PLEKHA2: variants seen among roughly 807,000 people sequenced by gnomAD.
PLEKHA2 encodes the protein pleckstrin homology domain containing A2.
PLEKHA2 carries 28 observed loss-of-function variants against 53.2 expected under a neutral mutation model. That is an observed-to-expected ratio of 0.53 (90% CI 0.39 to 0.72). The LOEUF is 0.72. Ranked by LOEUF, PLEKHA2 falls within the 30% of genes least tolerant of loss-of-function variation. The probability of loss-of-function intolerance (pLI) is 0.00; values close to 1 mark genes in which losing one functional copy is unlikely to be tolerated. For synonymous variants in PLEKHA2, 193 were observed against 196.4 expected, an observed-to-expected ratio of 0.98 and a Z score of 0.14; for missense variants, 426 against 537.9, an observed-to-expected ratio of 0.79 and a Z score of 2.06.
chr8:38,938,371 G>T (rs1834535776), intron 3 of PLEKHA2, among the ~76,000 whole-genome samples: 1 of 152,202 alleles, frequency 6.6e-6, no homozygotes, highest in Non-Finnish European at 1.5e-5. Flanking sequence ...CTATTCCCCT[G>T]ATCCTGATGC....
intron 2 of PLEKHA2, among the ~76,000 whole-genome samples, chr8:38,935,182 T>C (rs186722883): frequency 2.8e-4 from 42 of 152,194 alleles, no homozygotes; most frequent in Non-Finnish European, 7.4e-5. Flanking sequence ...CCCGGCTCTA[T>C]ATTTTTAGCA....
At position 38,943,821 on chromosome 8, in the gene PLEKHA2, A is replaced by G. The variant is rs1657942600; in HGVS notation, c.231A>G (p.Lys77=). Residue 77 remains lysine, a synonymous_variant, in exon 4 of 12, where the codon AAA becomes AAG. Transcript: ENST00000617275. ...VSIATPKQKP[K]TPFCFVINAL... ...TAGCTACCCCAAAACAGAAACCAAA[A>G]ACTCCATTTTGCTTTGGTAAGTACT... 1.3e-6 allele frequency: 2 copies of G among 1,583,444 alleles called. No individual in the cohort carries two copies. The highest frequency in any genetic ancestry group is 1.7e-6 in the Non-Finnish European group (2 of 1,164,378).
intron 2 of PLEKHA2, among the ~76,000 whole-genome samples, chr8:38,931,044 A>C (rs530106885): frequency 1.6e-4 from 24 of 152,322 alleles, no homozygotes; most frequent in Non-Finnish European, 2.8e-4. Flanking sequence ...TTGGGAGGCC[A>C]GGGCGGGCGG....
intron 4 of PLEKHA2, among the ~76,000 whole-genome samples, chr8:38,945,187 C>A (rs1457908796): frequency 1.3e-5 from 2 of 152,218 alleles, no homozygotes; most frequent in Non-Finnish European, 2.9e-5. Context: ...GTGCTATGAG[C>A]AAATGCTAAC....
chr8:38,952,528 G>C, intron 7 of PLEKHA2, 108 bp from the exon 8 acceptor site: 2 of 1,368,276 alleles, frequency 1.5e-6, no homozygotes, highest in Non-Finnish European at 2.0e-6. Context: ...GCTGAATGTG[G>C]GAGCCGGACT....
intron 2 of PLEKHA2, among the ~76,000 whole-genome samples, chr8:38,921,157 C>T (rs1834186322): frequency 6.6e-6 from 1 of 152,194 alleles, no homozygotes; most frequent in African/African-American, 2.4e-5. Flanking sequence ...TGTTTGTTGC[C>T]AGTAGACTTG....
intron 1 of PLEKHA2, among the ~76,000 whole-genome samples, chr8:38,906,419 A>C (rs958691734): frequency 1.3e-4 from 20 of 151,860 alleles, no homozygotes; most frequent in Admixed American, 6.6e-5. Flanking sequence ...CCCTCCCCCC[A>C]TATTTTTTCA....
At chr8:38,935,391 G>A (rs1051812566) in intron 2 of PLEKHA2, among the ~76,000 whole-genome samples, 30 of 151,676 alleles carry the variant, frequency 2.0e-4, no homozygotes, top group Admixed American at 3.3e-4. Context: ...AAAAACTAAG[G>A]ATCGGTGGTT....
At chr8:38,905,938 A>C (rs1833866698) in intron 1 of PLEKHA2, among the ~76,000 whole-genome samples, 2 of 151,830 alleles carry the variant, frequency 1.3e-5, no homozygotes, top group African/African-American at 4.8e-5. Context: ...CCCACCTTGG[A>C]CTCCCAAAGT....
In PLEKHA2 at chr8:38,950,987, C is replaced by A; in HGVS notation, c.483C>A (p.Ser161Arg). 1 of 1,611,972 alleles carries A rather than the reference C, an allele frequency of 6.2e-7. No homozygotes were observed. Among genetic ancestry groups the A allele is most frequent in the South Asian group, 1.1e-5 (1 of 90,962 alleles). ...GGGTGGTGGTCCACACACCCATCAG[C>A]CAGGTGAGGGGCCTGACTGGGGCTG... is the stretch of plus-strand genomic sequence containing the variant. The part of the protein sequence containing the change: ...IGGVVVHTPI[S>R]QNGGDGQEGS... The change falls in exon 6 of 12, where the codon AGC becomes AGA. Residue 161 changes from serine (S) to arginine (R), a missense_variant. Ser to Arg is a moderately radical substitution (Grantham distance 110, BLOSUM62 -1). Coordinates refer to ENST00000617275, the MANE Select transcript of PLEKHA2 (RefSeq NM_021623.2).
At position 38,933,969 on chromosome 8, in the gene PLEKHA2, C is replaced by CT. The variant is rs778082777; in HGVS notation, c.142-2024dup. ...CAGAGTCTTTTCTAGGTCCCCCACT[C>CT]TAAGATTCTTGGGTTCTGAGAATAC... On this transcript the variant is annotated intron_variant, in intron 2 of 11. Coordinates refer to ENST00000617275, the MANE Select transcript of PLEKHA2 (RefSeq NM_021623.2). Among the ~76,000 whole-genome samples the CT allele has an allele frequency of 1.1e-4, 16 of 151,864 alleles. No individual in the cohort carries two copies. In the East Asian group the frequency reaches 1.9e-3, roughly 18 times the overall value.
chr8:38,930,647 G>A (rs1386256201), intron 2 of PLEKHA2, among the ~76,000 whole-genome samples: 2 of 43,300 alleles, frequency 4.6e-5, no homozygotes, highest in Non-Finnish European at 1.0e-4. Flanking sequence ...GGCACCCCAC[G>A]GCATGGCATG....
intron 4 of PLEKHA2, 38 bp from the exon 5 acceptor site, chr8:38,946,086 C>T: frequency 6.6e-7 from 1 of 1,509,122 alleles, no homozygotes; most frequent in Non-Finnish European, 9.1e-7. Context: ...GTATTCTGAC[C>T]TAGGAATGTC....
intron 10 of PLEKHA2, among the ~76,000 whole-genome samples, chr8:38,967,080 G>C (rs1213403424): frequency 6.6e-6 from 1 of 152,020 alleles, no homozygotes; most frequent in Non-Finnish European, 1.5e-5. Flanking sequence ...TTTCACTTAA[G>C]ATAATAGTTT....
At chr8:38,926,970 G>A (rs925722904) in intron 2 of PLEKHA2, among the ~76,000 whole-genome samples, 7 of 152,144 alleles carry the variant, frequency 4.6e-5, no homozygotes, top group African/African-American at 1.7e-4. Flanking sequence ...CACATTGAAA[G>A]AATTGTGTTA....
chr8:38,963,040 A>G (rs1360237852), intron 10 of PLEKHA2, among the ~76,000 whole-genome samples: 1 of 152,226 alleles, frequency 6.6e-6, no homozygotes, highest in African/African-American at 2.4e-5. Flanking sequence ...CAATGGCAGT[A>G]ACCAGAAGTA....
At chr8:38,949,791 C>A (rs539917179) in intron 5 of PLEKHA2, among the ~76,000 whole-genome samples, 1 of 152,166 alleles carries the variant, frequency 6.6e-6, no homozygotes, top group Non-Finnish European at 1.5e-5. Context: ...ATAACCACAA[C>A]GATGGTTATG....
intron 2 of PLEKHA2, among the ~76,000 whole-genome samples, chr8:38,921,215 C>T (rs899825903): frequency 3.3e-5 from 5 of 152,334 alleles, no homozygotes; most frequent in Admixed American, 6.5e-5. Flanking sequence ...TGGGTCTTCA[C>T]GTTCCCTCTC....
intron 6 of PLEKHA2, among the ~76,000 whole-genome samples, chr8:38,951,433 T>C (rs141442050): frequency 2.6e-4 from 39 of 151,494 alleles, no homozygotes; most frequent in African/African-American, 8.7e-4. Flanking sequence ...AAAGGAAAGG[T>C]TTATTTTCCT....
Sources: allele counts gnomAD v4.1 joint callset (sites outside exome capture counted in the v4.1 genomes callset), GRCh38; gene constraint gnomAD v4.1.1; transcripts MANE v1.5; gene names NCBI Gene and HGNC (gene_info 2026-07-23, HGNC 2026-07-21).